Variants in FCF1 observed in about 807,000 individuals in gnomAD.
FCF1 encodes the protein rRNA-processing protein FCF1 homolog.
Under a neutral mutation model 32.5 loss-of-function variants are expected in FCF1, and 17 were observed. The observed-to-expected ratio is 0.52, with a 90% CI of 0.36 to 0.78. The LOEUF is 0.78. FCF1 is among the 30% of genes least tolerant of loss of function. The pLI is 0.00. For missense variants in FCF1, 201 were observed against 241.1 expected, an observed-to-expected ratio of 0.83 and a Z score of 1.10; for synonymous variants, 84 against 78.4, an observed-to-expected ratio of 1.07 and a Z score of -0.38.
At chr14:74,721,187 G>A (rs1381030463) in intron 4 of FCF1, among the ~76,000 whole-genome samples, 5 of 151,940 alleles carry the variant, frequency 3.3e-5, no homozygotes, top group African/African-American at 1.2e-4. Context: ...TGGGACTACA[G>A]GCATGTGCCA....
intron 5 of FCF1, 38 bp downstream of exon 5, chr14:74,723,382 A>G (rs1187907167): frequency 4.4e-6 from 6 of 1,361,746 alleles, no homozygotes; most frequent in Middle Eastern, 1.8e-4. Context: ...CTAGATTGGT[A>G]TACTGAAGAT....
In FCF1 at chr14:74,713,150, G is replaced by A. The variant is rs1381243890; in HGVS notation, c.-48G>A. On this transcript the variant is annotated 5_prime_UTR_variant, in exon 1 of 8. Transcript: ENST00000341162. ...GAAGCAGTATGTGAATGACGTAGAA[G>A]TATTGCGCCGTTGGTGATTACGGAA... 5.0e-6 allele frequency: 8 copies of A among 1,614,076 alleles called. No individual in the cohort carries two copies. Among genetic ancestry groups the A allele is most frequent in the Non-Finnish European group, 6.8e-6 (8 of 1,180,046 alleles).
chr14:74,723,848 A>G (rs1452091370), intron 5 of FCF1, among the ~76,000 whole-genome samples: 1 of 152,024 alleles, frequency 6.6e-6, no homozygotes, highest in African/African-American at 2.4e-5. Flanking sequence ...AAAAAAGAGA[A>G]AATACAGAGA....
In FCF1 at chr14:74,713,481, C is replaced by A. The variant is rs767234459; in HGVS notation, c.4-4C>A. ...TTTTTTAATTCTAAAATTTCTGTTTCAAGGGGAAGCAAAAGAAAACAAGGA... is the reference window on the plus strand; with the variant it reads ...TTTTTTAATTCTAAAATTTCTGTTTAAAGGGGAAGCAAAAGAAAACAAGGA... On this transcript the variant is annotated splice_region_variant and splice_polypyrimidine_tract_variant and intron_variant, in intron 1 of 7. Transcript: ENST00000341162. The A allele has an allele frequency of 6.2e-7, 1 of 1,612,574 alleles. No homozygotes were observed. Among genetic ancestry groups the A allele is most frequent in the South Asian group, 1.1e-5 (1 of 91,004 alleles).
At chr14:74,714,632 CT>C (rs1261177707) in intron 2 of FCF1, among the ~76,000 whole-genome samples, 1 of 152,150 alleles carries the variant, frequency 6.6e-6, no homozygotes, top group African/African-American at 2.4e-5. Flanking sequence ...CTTTTATTTA[CT>C]CATTAACAAT....
At chr14:74,717,585 C>T (rs1594782185) in intron 4 of FCF1, among the ~76,000 whole-genome samples, 1 of 152,228 alleles carries the variant, frequency 6.6e-6, no homozygotes, top group East Asian at 1.9e-4. Context: ...TAGAAATAAT[C>T]TAAAGTTGAG....
chr14:74,730,139 A>G (rs906598899), intron 5 of FCF1, among the ~76,000 whole-genome samples: 6 of 151,424 alleles, frequency 4.0e-5, no homozygotes, highest in Non-Finnish European at 7.4e-5. Context: ...TATGTGGAGT[A>G]TACCATTTAT....
chr14:74,715,854 T>G, intron 3 of FCF1, 97 bp from the exon 4 acceptor site: 1 of 1,610,482 alleles, frequency 6.2e-7, no homozygotes, highest in South Asian at 1.1e-5. Context: ...CAAAAGAGTT[T>G]ACAGCAAACA....
At chr14:74,727,807 G>GT (rs1451704311) in intron 5 of FCF1, among the ~76,000 whole-genome samples, 3 of 151,846 alleles carry the variant, frequency 2.0e-5, no homozygotes, top group Non-Finnish European at 4.4e-5. Flanking sequence ...AAGGGATCCA[G>GT]TTTCAGCTTT....
At chr14:74,716,129 C>T in intron 4 of FCF1, 30 bp downstream of exon 4, 2 of 1,600,132 alleles carry the variant, frequency 1.2e-6, no homozygotes, top group South Asian at 1.1e-5. Context: ...GTTTCCGTGA[C>T]ATTTGTTCAG....
At chr14:74,725,167 C>T (rs2090559532) in intron 5 of FCF1, among the ~76,000 whole-genome samples, 2 of 151,786 alleles carry the variant, frequency 1.3e-5, no homozygotes, top group African/African-American at 4.8e-5. Flanking sequence ...CAAAAAATTG[C>T]AGACAGCCAG....
chr14:74,723,602 G>A (rs113574829), intron 5 of FCF1, among the ~76,000 whole-genome samples: 74 of 152,138 alleles, frequency 4.9e-4, no homozygotes, highest in African/African-American at 1.7e-3. Context: ...GCCGAGGCAG[G>A]CAGATCACCT....
intron 5 of FCF1, among the ~76,000 whole-genome samples, chr14:74,728,099 C>T (rs1436236131): frequency 2.0e-5 from 3 of 151,992 alleles, no homozygotes; most frequent in African/African-American, 4.8e-5. Flanking sequence ...TCTTTTTTGG[C>T]TCCATATGAA....
intron 5 of FCF1, among the ~76,000 whole-genome samples, chr14:74,725,371 T>A (rs542764129): frequency 2.0e-5 from 3 of 148,546 alleles, no homozygotes; most frequent in African/African-American, 7.5e-5. Flanking sequence ...TCCCAGCTAC[T>A]CTGGAGGCTG....
chr14:74,718,963 C>G (rs918587392), intron 4 of FCF1, among the ~76,000 whole-genome samples: 3 of 151,608 alleles, frequency 2.0e-5, no homozygotes, highest in Admixed American at 1.3e-4. Context: ...AACCCCATCT[C>G]TACTAAAAAT....
chr14:74,731,254 A>T (rs1267422644), intron 5 of FCF1, among the ~76,000 whole-genome samples: 1 of 152,208 alleles, frequency 6.6e-6, no homozygotes, highest in Non-Finnish European at 1.5e-5. Context: ...GGAGGGGGGT[A>T]TAGGTAAAAA....
intron 6 of FCF1, among the ~76,000 whole-genome samples, 192 bp downstream of exon 6, chr14:74,733,010 C>T (rs899945808): frequency 2.6e-5 from 4 of 152,108 alleles, no homozygotes; most frequent in Non-Finnish European, 5.9e-5. Flanking sequence ...TGAAAATGTA[C>T]ACTCTAACCA....
chr14:74,733,593 G>T (rs1235200644), intron 6 of FCF1, among the ~76,000 whole-genome samples: 2 of 152,110 alleles, frequency 1.3e-5, no homozygotes, highest in African/African-American at 4.8e-5. Flanking sequence ...TTCAGGCCCT[G>T]AATATCCTAC....
intron 4 of FCF1, among the ~76,000 whole-genome samples, chr14:74,718,631 T>C (rs1037992842): frequency 2.0e-5 from 3 of 151,582 alleles, no homozygotes; most frequent in African/African-American, 7.3e-5. Context: ...ATGCTGCCAC[T>C]CCCAGCTAAT....
Sources: gnomAD v4.1 joint callset for allele counts (sites outside exome capture counted in the v4.1 genomes callset) on GRCh38, gnomAD v4.1.1 for gene constraint, MANE v1.5 for transcripts, NCBI Gene and HGNC (gene_info 2026-07-23, HGNC 2026-07-21) for gene names.